The following PCDH17 variants were observed in gnomAD, a reference collection of about 807,000 sequenced individuals.
PCDH17 encodes protocadherin 17, also known as protocadherin-17.
Under a neutral mutation model 67.7 loss-of-function variants are expected in PCDH17, and 21 were observed. That is an observed-to-expected ratio of 0.31 (90% CI 0.22 to 0.45). The LOEUF is 0.45. Ranked by LOEUF, PCDH17 falls within the 20% of genes least tolerant of loss-of-function variation. PCDH17 has a pLI of 1.00. For synonymous variants in PCDH17, 701 were observed against 656.7 expected (o/e 1.07, Z -1.03); for missense variants, 1,471 against 1,564.8 (o/e 0.94, Z 1.01).
chr13:57,634,796 G>C lies in PCDH17; in HGVS notation c.2250G>C (p.Pro750=), dbSNP rs200689420. Residue 750 remains proline (P), a synonymous_variant, in exon 1 of 4, where the codon CCG becomes CCC. Transcript: ENST00000377918. This position sits in a 1 kb window ranked among gnomAD's most constrained non-coding sequence, Gnocchi z 7.8. Reference sequence around the variant, plus strand: ...GCCGCATCGCCGAGTACAGCCACCCGCAGCTGGGTGGGGGCAAGGGCAAGA... The same window carrying C: ...GCCGCATCGCCGAGTACAGCCACCCCCAGCTGGGTGGGGGCAAGGGCAAGA... ...YNCRIAEYSH[P]QLGGGKGKKK... 6.8e-6 allele frequency: 11 copies of C among 1,613,996 alleles called. No homozygotes were observed. The African/African-American group carries it at 1.1e-4, about 16-fold the overall frequency.
At chr13:57,720,577 T>C (rs910449511) in intron 3 of PCDH17, among the ~76,000 whole-genome samples, 2 of 152,072 alleles carry the variant, frequency 1.3e-5, no homozygotes, top group African/African-American at 4.8e-5. Context: ...GAACTTCCTG[T>C]GATTCACCTG....
intron 3 of PCDH17, among the ~76,000 whole-genome samples, chr13:57,688,562 T>C (rs1230185184): frequency 2.0e-5 from 3 of 152,086 alleles, no homozygotes; most frequent in African/African-American, 7.2e-5. Flanking sequence ...CATGTTTGTT[T>C]TCAAATGTTT....
chr13:57,640,653 A>G (rs566044930), intron 1 of PCDH17, among the ~76,000 whole-genome samples: 1 of 152,146 alleles, frequency 6.6e-6, no homozygotes, highest in South Asian at 2.1e-4. Flanking sequence ...AATAGGTTGA[A>G]GCCTATGTAG....
At chr13:57,664,638 T>C (rs1955227689) in intron 1 of PCDH17, among the ~76,000 whole-genome samples, 5 of 152,198 alleles carry the variant, frequency 3.3e-5, no homozygotes, top group African/African-American at 1.2e-4. Context: ...GATTTCACAG[T>C]AAATTTTATT....
chr13:57,655,352 AT>A (rs1385664981), intron 1 of PCDH17, among the ~76,000 whole-genome samples: 3 of 151,990 alleles, frequency 2.0e-5, no homozygotes, highest in Non-Finnish European at 4.4e-5. Flanking sequence ...AGAATGGTGA[AT>A]TTTGTTTACC....
chr13:57,671,681 A>G (rs1221591383), intron 3 of PCDH17, among the ~76,000 whole-genome samples: 1 of 152,084 alleles, frequency 6.6e-6, no homozygotes, highest in Non-Finnish European at 1.5e-5. Flanking sequence ...GCTTACCAGC[A>G]ATTTCTCTGA....
chr13:57,705,938 C>A, intron 3 of PCDH17, among the ~76,000 whole-genome samples: 1 of 151,588 alleles, frequency 6.6e-6, no homozygotes, highest in Non-Finnish European at 1.5e-5. Flanking sequence ...TCACTTGAAC[C>A]CAGGAGGCAG....
rs1954746436 is a variant in PCDH17 at position 57,632,783 on chromosome 13, A to T, written c.237A>T (p.Ala79=). ...CACCGCACCTGCTGGACGTGGACGC[A>T]GACAGCGGGCTCCTCTACACCAAGC... ...NSAPHLLDVD[A]DSGLLYTKQR... The change falls in exon 1 of 4, where the codon GCA becomes GCT. Residue 79 remains alanine (A), a synonymous_variant. Coordinates refer to ENST00000377918, the MANE Select transcript of PCDH17 (RefSeq NM_001040429.3). 6.8e-6 allele frequency: 11 copies of T among 1,613,210 alleles called. No homozygotes were observed. The highest frequency in any genetic ancestry group is 9.3e-6 in the Non-Finnish European group (11 of 1,179,940).
intron 3 of PCDH17, among the ~76,000 whole-genome samples, chr13:57,717,498 C>A (rs1955829046): frequency 6.6e-6 from 1 of 151,934 alleles, no homozygotes. Context: ...ACACTTAAAA[C>A]CATCCCTGAA....
At chr13:57,720,033 A>C (rs1021953677) in intron 3 of PCDH17, among the ~76,000 whole-genome samples, 3 of 152,056 alleles carry the variant, frequency 2.0e-5, no homozygotes, top group South Asian at 4.1e-4. Context: ...TTAAAACCCA[A>C]CAATTTAAAA....
rs1286610791 is a variant in PCDH17, at chr13:57,633,235, A to G, written c.689A>G (p.Asn230Ser). 1 of 1,613,206 alleles carries G rather than the reference A, an allele frequency of 6.2e-7. No homozygotes were observed. The highest frequency in any genetic ancestry group is 1.1e-5 in the South Asian group (1 of 91,054). The stretch of plus-strand genomic sequence containing the variant: ...CCACGTTCCGCCACCGTACAGATCA[A>G]CGTGAAGGTGATTGACTCCAACGAC... ...EPPRSATVQI[N>S]VKVIDSNDNS... The change falls in exon 1 of 4, where the codon AAC becomes AGC. Residue 230 changes from asparagine to serine, a missense_variant. Transcript: ENST00000377918. This position sits in a 1 kb window ranked among gnomAD's most constrained non-coding sequence, Gnocchi z 6.2.
At chr13:57,705,333 T>A (rs2138081311) in intron 3 of PCDH17, among the ~76,000 whole-genome samples, 1 of 152,226 alleles carries the variant, frequency 6.6e-6, no homozygotes, top group South Asian at 2.1e-4. Context: ...TTTTAATGTT[T>A]AAGTTTTCAT....
intron 1 of PCDH17, among the ~76,000 whole-genome samples, chr13:57,641,575 AAAAAAAAAAAAAATATATAT>A (rs1175810543): frequency 3.9e-5 from 3 of 76,600 alleles, no homozygotes; most frequent in African/African-American, 1.0e-4. Context: ...AAAAAAAAAA[AAAAAAAAAAAAAATATATAT>A]ATATATATAT....
At chr13:57,683,478 TATA>T (rs1955477581) in intron 3 of PCDH17, among the ~76,000 whole-genome samples, 1 of 151,872 alleles carries the variant, frequency 6.6e-6, no homozygotes, top group Admixed American at 6.6e-5. Flanking sequence ...ATGCTCAGAA[TATA>T]ATGTAATCTT....
chr13:57,678,775 T>C (rs756323960), intron 3 of PCDH17, among the ~76,000 whole-genome samples: 2 of 151,624 alleles, frequency 1.3e-5, no homozygotes, highest in African/African-American at 2.4e-5. Flanking sequence ...AATAGGGGCA[T>C]GGAATATATC....
rs914783050 is a variant in PCDH17, at chr13:57,668,849, A to T, written c.2797+2016A>T. On this transcript the variant is annotated intron_variant, in intron 3 of 3. Transcript: ENST00000377918. The stretch of plus-strand genomic sequence containing the variant: ...TTTAAAGCATGATTTATATATATAT[A>T]TTTTTATTATACTTTAAGTTCTAGG... Among the ~76,000 whole-genome samples the T allele has an allele frequency of 1.8e-4, 27 of 152,088 alleles. 1 individual carries two copies. Among genetic ancestry groups the T allele is most frequent in the African/African-American group, 5.3e-4 (22 of 41,532 alleles).
chr13:57,681,515 T>G (rs905269683), intron 3 of PCDH17, among the ~76,000 whole-genome samples: 4 of 151,818 alleles, frequency 2.6e-5, no homozygotes, highest in Admixed American at 1.3e-4. Flanking sequence ...TTATATAGAT[T>G]ACTTACCTTT....
At position 57,728,517 on chromosome 13, in the gene PCDH17, T is replaced by TAAAAA. The variant is rs146333612; in HGVS notation, c.*3242_*3246dup. 7 of 70,782 alleles carry TAAAAA rather than the reference T, an allele frequency of 9.9e-5. No individual in the cohort carries two copies. The highest frequency in any genetic ancestry group is 3.4e-4 in the Admixed American group (2 of 5,798). 4.4% of individuals were successfully genotyped at this position (70,782 alleles called of 1,614,324 possible). ...TTCTAAAAATTGCTTGCAGATGAGC[T>TAAAAA]AAAAAAAAAAAAAAAAAAAAAAAGC... On this transcript the variant is annotated 3_prime_UTR_variant, in exon 4 of 4. Coordinates refer to ENST00000377918, the MANE Select transcript of PCDH17 (RefSeq NM_001040429.3).
chr13:57,665,591 T>C (rs1486207507), intron 1 of PCDH17, among the ~76,000 whole-genome samples: 1 of 152,136 alleles, frequency 6.6e-6, no homozygotes, highest in Non-Finnish European at 1.5e-5. Flanking sequence ...GGAGAAGCTT[T>C]GTCACTGAGT....
Sources: allele counts gnomAD v4.1 joint callset (sites outside exome capture counted in the v4.1 genomes callset), GRCh38; gene constraint gnomAD v4.1.1; non-coding constraint Gnocchi (gnomAD v3.1); transcripts MANE v1.5; gene names NCBI Gene and HGNC (gene_info 2026-07-23, HGNC 2026-07-21).